Variants in EFCAB13 observed in about 807,000 individuals in gnomAD.
EFCAB13 encodes the protein EF-hand calcium binding domain 13, also known as EF-hand calcium-binding domain-containing protein 13.
EFCAB13 carries 91 observed loss-of-function variants against 110.2 expected under a neutral mutation model. The observed-to-expected ratio is 0.83, with a 90% CI of 0.70 to 0.98. The LOEUF (loss-of-function observed/expected upper bound fraction) is 0.98, where lower values mean the gene tolerates loss of function less well. Ranked by LOEUF, EFCAB13 falls within the 50% of genes least tolerant of loss-of-function variation. The probability of loss-of-function intolerance (pLI) is 0.00; values close to 1 mark genes in which losing one functional copy is unlikely to be tolerated. For missense variants in EFCAB13, 968 were observed against 1,119.4 expected, an observed-to-expected ratio of 0.86 and a Z score of 1.93; for synonymous variants, 323 against 369.9, an observed-to-expected ratio of 0.87 and a Z score of 1.45.
chr17:47,370,063 A>T, intron 10 of EFCAB13: 1 of 175,100 alleles, frequency 5.7e-6, no homozygotes, highest in Non-Finnish European at 1.2e-5. Flanking sequence ...GGGGAAACAA[A>T]GGAAAAACAC....
intron 24 of EFCAB13, among the ~76,000 whole-genome samples, chr17:47,436,654 T>C (rs539369654): frequency 6.6e-6 from 1 of 152,246 alleles, no homozygotes; most frequent in East Asian, 1.9e-4. Context: ...ATTTGGATTT[T>C]CTCTCTTCTT....
chr17:47,428,123 T>C (rs1435999118), intron 23 of EFCAB13, among the ~76,000 whole-genome samples: 1 of 151,566 alleles, frequency 6.6e-6, no homozygotes, highest in East Asian at 2.0e-4. Context: ...TAGTCAAACA[T>C]TGACTATGAT....
At chr17:47,413,849 C>T (rs1054532931) in intron 22 of EFCAB13, among the ~76,000 whole-genome samples, 2 of 152,018 alleles carry the variant, frequency 1.3e-5, no homozygotes, top group African/African-American at 4.8e-5. Context: ...ACCCTTTAAG[C>T]ATTTCAGTTT....
At chr17:47,400,322 A>C (rs1463010529) in intron 17 of EFCAB13, among the ~76,000 whole-genome samples, 1 of 152,198 alleles carries the variant, frequency 6.6e-6, no homozygotes, top group Non-Finnish European at 1.5e-5. Flanking sequence ...AGAATAATTG[A>C]GCTACAAATT....
chr17:47,388,506 G>C (rs1011283441), intron 14 of EFCAB13, among the ~76,000 whole-genome samples: 1 of 152,156 alleles, frequency 6.6e-6, no homozygotes, highest in African/African-American at 2.4e-5. Context: ...AATGAAGCCA[G>C]ATTGCTTCTG....
At chr17:47,343,489 T>C (rs775765699) in intron 6 of EFCAB13, among the ~76,000 whole-genome samples, 1 of 152,132 alleles carries the variant, frequency 6.6e-6, no homozygotes, top group Non-Finnish European at 1.5e-5. Context: ...GAAAACATTG[T>C]CTTTTGAAGA....
Position 47,335,302 on chromosome 17 carries a change from T to A in EFCAB13, c.137T>A (p.Ile46Lys). 6.2e-7 allele frequency: 1 copy of A among 1,608,082 alleles called. No homozygotes were observed. Among genetic ancestry groups the A allele is most frequent in the Non-Finnish European group, 8.5e-7 (1 of 1,178,280 alleles). ...HKKYIKFSKT[I>K]EKEISPEIRS... ...AAATACATCAAGTTTTCTAAAACAA[T>A]AGAGAAGGAAATTTCACCGGAAATT... Residue 46 changes from isoleucine (I) to lysine (K), a missense_variant, in exon 5 of 25, where the codon ATA (isoleucine) becomes AAA (lysine). Physicochemically the swap from Ile to Lys is moderately radical, Grantham distance 102. Coordinates refer to ENST00000331493, the MANE Select transcript of EFCAB13 (RefSeq NM_152347.5).
chr17:47,384,386 T>C (rs967765277), intron 14 of EFCAB13, among the ~76,000 whole-genome samples: 9 of 152,106 alleles, frequency 5.9e-5, no homozygotes, highest in African/African-American at 9.7e-5. Context: ...CATTAGTTGA[T>C]GCAGTTTCTT....
chr17:47,351,305 G>GTGTGTGTGTGTGTGTGTGCGCGCGCA (rs748940130), intron 9 of EFCAB13, among the ~76,000 whole-genome samples: 30 of 113,170 alleles, frequency 2.7e-4, no homozygotes, highest in Non-Finnish European at 4.4e-4. Context: ...GTGTGTGTGT[G>GTGTGTGTGTGTGTGTGTGCGCGCGCA]CGCGCGCGCG....
intron 24 of EFCAB13, among the ~76,000 whole-genome samples, chr17:47,435,189 A>G (rs534436277): frequency 1.3e-5 from 2 of 152,250 alleles, no homozygotes; most frequent in East Asian, 1.9e-4. Context: ...AGTCAGCAAG[A>G]AAAAAACAAA....
chr17:47,433,706 G>A (rs1362357911), intron 24 of EFCAB13, among the ~76,000 whole-genome samples: 2 of 152,030 alleles, frequency 1.3e-5, no homozygotes, highest in Non-Finnish European at 2.9e-5. Flanking sequence ...CGGCAGGGAC[G>A]ATTTATTCCT....
intron 8 of EFCAB13, among the ~76,000 whole-genome samples, 172 bp from the exon 9 acceptor site, chr17:47,347,636 G>A (rs895179760): frequency 2.6e-5 from 4 of 152,126 alleles, no homozygotes; most frequent in Non-Finnish European, 5.9e-5. Context: ...CAGGTTGAAA[G>A]ATTTGAATAT....
At chr17:47,399,089 A>AT (rs1390923700) in intron 17 of EFCAB13, among the ~76,000 whole-genome samples, 1 of 151,942 alleles carries the variant, frequency 6.6e-6, no homozygotes, top group Admixed American at 6.6e-5. Flanking sequence ...TGCCTGGCTA[A>AT]TTTTTTGTAG....
intron 6 of EFCAB13, 113 bp from the exon 7 acceptor site, chr17:47,344,049 T>C (rs2065400911): frequency 8.1e-7 from 1 of 1,241,992 alleles, no homozygotes; most frequent in African/African-American, 1.5e-5. Context: ...AGAAGCATAA[T>C]TAATGAGGAG....
At chr17:47,359,894 C>T (rs1439544599) in intron 9 of EFCAB13, among the ~76,000 whole-genome samples, 2 of 147,998 alleles carry the variant, frequency 1.4e-5, no homozygotes, top group African/African-American at 2.5e-5. Context: ...TTTGTCCTTG[C>T]GATAGTTTAC....
rs1379983250 is a variant in EFCAB13, at chr17:47,402,139, C to CA, written c.1956dup (p.Val653SerfsTer4). ...AAGTGTTTTTTCTCACAGAAGGTGA[C>CA]AAAGTACAATTTGAAGAATTTGCAA... On this transcript the variant is annotated frameshift_variant, in exon 18 of 25. Coordinates refer to ENST00000331493, the MANE Select transcript of EFCAB13 (RefSeq NM_152347.5). LOFTEE classifies it high-confidence loss of function. The CA allele has an allele frequency of 6.2e-7, 1 of 1,613,790 alleles. No individual in the cohort carries two copies. Among genetic ancestry groups the CA allele is most frequent in the Admixed American group, 1.7e-5 (1 of 60,014 alleles).
chr17:47,420,598 C>A (rs1456322256), intron 23 of EFCAB13, among the ~76,000 whole-genome samples: 3 of 152,176 alleles, frequency 2.0e-5, no homozygotes, highest in African/African-American at 7.2e-5. Context: ...TCTGCCCCGC[C>A]GCCCCATCTG....
chr17:47,326,931 T>C (rs2065289220), intron 3 of EFCAB13, among the ~76,000 whole-genome samples: 1 of 152,208 alleles, frequency 6.6e-6, no homozygotes, highest in Non-Finnish European at 1.5e-5. Flanking sequence ...TTCATTAGAA[T>C]ATTAATACTT....
rs761270201 is a variant in EFCAB13 at position 47,347,899 on chromosome 17, T to G, written c.609T>G (p.Ile203Met). Residue 203 changes from isoleucine to methionine, a missense_variant, in exon 9 of 25, where the codon ATT becomes ATG. Physicochemically the swap from Ile to Met is conservative, Grantham distance 10. Transcript: ENST00000331493. ...CAGTGATCCTTTGCATCTTGAGAATTTCTATAAGTGATTTAGAAATGCGAC... is the reference window on the plus strand; with the variant it reads ...CAGTGATCCTTTGCATCTTGAGAATGTCTATAAGTGATTTAGAAATGCGAC... ...DLPVILCILR[I>M]SISDLEMRQA... 39 of 1,545,318 alleles carry G rather than the reference T, an allele frequency of 2.5e-5. No individual in the cohort carries two copies. The Admixed American group carries it at 6.8e-4, about 27-fold the overall frequency.
Sources: allele counts gnomAD v4.1 joint callset (sites outside exome capture counted in the v4.1 genomes callset), GRCh38; gene constraint gnomAD v4.1.1; transcripts MANE v1.5; gene names NCBI Gene and HGNC (gene_info 2026-07-23, HGNC 2026-07-21).